The following BRINP3 variants were observed in gnomAD, a reference collection of about 807,000 sequenced individuals.
BRINP3 encodes BMP/retinoic acid-inducible neural-specific protein 3.
Under a neutral mutation model 71.0 loss-of-function variants are expected in BRINP3, and 19 were observed. The ratio of observed to expected loss-of-function variants is 0.27; its 90% CI spans 0.19 to 0.39. The LOEUF (loss-of-function observed/expected upper bound fraction) is 0.39. Among genes scored for constraint, BRINP3 ranks in the 10% least tolerant of loss-of-function variants. BRINP3 has a pLI of 1.00. For synonymous variants in BRINP3, 380 were observed against 337.7 expected (o/e 1.13, Z -1.37); for missense variants, 959 against 940.8 (o/e 1.02, Z -0.25).
chr1:190,118,997 T>C (rs181688630), intron 7 of BRINP3, among the ~76,000 whole-genome samples: 2 of 152,258 alleles, frequency 1.3e-5, no homozygotes, highest in East Asian at 3.9e-4. Flanking sequence ...AAAAGTTATG[T>C]TCCTACATTA....
chr1:190,155,534 G>A (rs1015785602), intron 7 of BRINP3, among the ~76,000 whole-genome samples: 2 of 152,044 alleles, frequency 1.3e-5, no homozygotes, highest in African/African-American at 4.8e-5. Context: ...GCTGCTCTGT[G>A]AATGGCAGCA....
intron 4 of BRINP3, among the ~76,000 whole-genome samples, chr1:190,255,499 G>A (rs910641077): frequency 2.6e-5 from 4 of 152,008 alleles, no homozygotes; most frequent in Non-Finnish European, 4.4e-5. Flanking sequence ...ACTTCTCCTG[G>A]TTTAGTCTTG....
chr1:190,441,830 G>C (rs1338338236), intron 2 of BRINP3, among the ~76,000 whole-genome samples: 1 of 152,018 alleles, frequency 6.6e-6, no homozygotes, highest in Non-Finnish European at 1.5e-5. Flanking sequence ...GTTATCATTG[G>C]ATTAAACATT....
chr1:190,304,974 A>C (rs1272363061), intron 2 of BRINP3, among the ~76,000 whole-genome samples: 1 of 152,004 alleles, frequency 6.6e-6, no homozygotes, highest in Non-Finnish European at 1.5e-5. Flanking sequence ...ACATTTCTCA[A>C]AAGAAGACAT....
intron 4 of BRINP3, among the ~76,000 whole-genome samples, chr1:190,244,842 G>A (rs1335267762): frequency 3.3e-5 from 5 of 151,694 alleles, no homozygotes; most frequent in Non-Finnish European, 7.4e-5. Flanking sequence ...ATTTTATTTC[G>A]AGTAAATACT....
At chr1:190,194,973 T>C (rs190463747) in intron 6 of BRINP3, among the ~76,000 whole-genome samples, 143 of 152,220 alleles carry the variant, frequency 9.4e-4, no homozygotes, top group Admixed American at 2.6e-3. Context: ...GTTTACAAGG[T>C]TACTTGGAAC....
At chr1:190,301,236 C>T (rs201128000) in intron 2 of BRINP3, among the ~76,000 whole-genome samples, 3,887 of 77,828 alleles carry the variant, frequency 0.05, 75 homozygotes, top group Middle Eastern at 0.11. Context: ...TATATATATA[C>T]ACACATACAT....
At chr1:190,201,570 T>C (rs1655005399) in intron 6 of BRINP3, among the ~76,000 whole-genome samples, 1 of 152,124 alleles carries the variant, frequency 6.6e-6, no homozygotes, top group Non-Finnish European at 1.5e-5. Context: ...CACAGGACTT[T>C]ATGGCAGCCT....
intron 2 of BRINP3, among the ~76,000 whole-genome samples, chr1:190,353,499 A>G (rs1350004557): frequency 6.6e-6 from 1 of 152,068 alleles, no homozygotes; most frequent in Non-Finnish European, 1.5e-5. Context: ...AATCTTGAGG[A>G]CTTAGTTAAA....
chr1:190,456,466 G>T (rs1003943701), intron 1 of BRINP3, among the ~76,000 whole-genome samples: 1 of 151,980 alleles, frequency 6.6e-6, no homozygotes, highest in African/African-American at 2.4e-5. Flanking sequence ...GAAGAATTTT[G>T]GAATAGGAGC....
chr1:190,344,075 A>T (rs917471746), intron 2 of BRINP3, among the ~76,000 whole-genome samples: 10 of 151,822 alleles, frequency 6.6e-5, no homozygotes, highest in African/African-American at 2.4e-4. Flanking sequence ...ATGTGATAAA[A>T]CGAACTATGT....
chr1:190,168,947 A>C (rs1651787932), intron 6 of BRINP3, among the ~76,000 whole-genome samples: 1 of 152,266 alleles, frequency 6.6e-6, no homozygotes, highest in African/African-American at 2.4e-5. Context: ...TTCATATGTC[A>C]GTTACAAGAG....
At chr1:190,283,125 T>C (rs1663167519) in intron 2 of BRINP3, among the ~76,000 whole-genome samples, 1 of 152,022 alleles carries the variant, frequency 6.6e-6, no homozygotes, top group Non-Finnish European at 1.5e-5. Flanking sequence ...ATGATCAGAA[T>C]CACTTTTGAA....
Position 190,270,973 on chromosome 1 carries a change from T to C in BRINP3, c.428-5918A>G, listed in dbSNP as rs139204077. On this transcript the variant is annotated intron_variant, in intron 3 of 7. Transcript: ENST00000367462. The stretch of plus-strand genomic sequence containing the variant: ...AAATATTTTCTTCAATTGAGTAATA[T>C]ATTAAATTCAAAACATTTGATCCAA... Among the ~76,000 whole-genome samples the C allele has an allele frequency of 5.4e-3, 825 of 151,744 alleles. 6 individuals carry two copies. Among genetic ancestry groups the C allele is most frequent in the African/African-American group, 0.018 (755 of 41,514 alleles).
intron 2 of BRINP3, among the ~76,000 whole-genome samples, chr1:190,391,716 A>G (rs1243295245): frequency 6.6e-6 from 1 of 151,648 alleles, no homozygotes; most frequent in Non-Finnish European, 1.5e-5. Flanking sequence ...AATGTAGGAA[A>G]TGTATGAGTG....
intron 2 of BRINP3, among the ~76,000 whole-genome samples, chr1:190,296,084 G>T (rs900080571): frequency 6.8e-6 from 1 of 146,754 alleles, no homozygotes; most frequent in Non-Finnish European, 1.5e-5. Context: ...TTTGGGGGGG[G>T]GCTGGGCTTT....
At chr1:190,257,906 G>A (rs537240318) in intron 4 of BRINP3, among the ~76,000 whole-genome samples, 4 of 152,264 alleles carry the variant, frequency 2.6e-5, no homozygotes, top group African/African-American at 9.6e-5. Context: ...GCCTCTACTG[G>A]GAGGTGTCTC....
intron 2 of BRINP3, among the ~76,000 whole-genome samples, chr1:190,422,376 G>T (rs1673443080): frequency 6.6e-6 from 1 of 151,782 alleles, no homozygotes; most frequent in Non-Finnish European, 1.5e-5. Context: ...ATATTGCTCA[G>T]ATTCTCTATG....
chr1:190,255,947 G>A (rs927757468), intron 4 of BRINP3, among the ~76,000 whole-genome samples: 6 of 152,084 alleles, frequency 3.9e-5, no homozygotes, highest in East Asian at 1.9e-4. Context: ...AAATATGTCC[G>A]AGAGATTCTG....
Sources: gnomAD v4.1 joint callset for allele counts (sites outside exome capture counted in the v4.1 genomes callset) on GRCh38, gnomAD v4.1.1 for gene constraint, MANE v1.5 for transcripts, NCBI Gene and HGNC (gene_info 2026-07-23, HGNC 2026-07-21) for gene names.